Variants in ANGPT1 observed in about 807,000 individuals in gnomAD.
ANGPT1 encodes the protein angiopoietin-1.
A neutral mutation model predicts 62.2 loss-of-function variants in ANGPT1; 17 were observed. The ratio of observed to expected loss-of-function variants is 0.27; its 90% CI spans 0.19 to 0.41. The LOEUF (loss-of-function observed/expected upper bound fraction) is 0.41. ANGPT1 is among the 10% of genes least tolerant of loss of function. The probability of loss-of-function intolerance (pLI) is 1.00; values close to 1 mark genes in which losing one functional copy is unlikely to be tolerated. For missense variants in ANGPT1, 478 were observed against 594.9 expected, an observed-to-expected ratio of 0.80 and a Z score of 2.04; for synonymous variants, 199 against 198.9, an observed-to-expected ratio of 1.00 and a Z score of 0.00.
chr8:107,466,614 T>A (rs1812203866), intron 1 of ANGPT1, among the ~76,000 whole-genome samples: 1 of 152,082 alleles, frequency 6.6e-6, no homozygotes, highest in South Asian at 2.1e-4. Context: ...CATCGGTTGT[T>A]AAAAATTATA....
intron 1 of ANGPT1, among the ~76,000 whole-genome samples, chr8:107,450,756 T>C (rs1313540902): frequency 6.6e-6 from 1 of 150,628 alleles, no homozygotes; most frequent in Non-Finnish European, 1.5e-5. Flanking sequence ...ATATATATAA[T>C]ATATATTTTA....
At chr8:107,295,843 G>A (rs938679348) in intron 5 of ANGPT1, among the ~76,000 whole-genome samples, 1 of 152,100 alleles carries the variant, frequency 6.6e-6, no homozygotes, top group Non-Finnish European at 1.5e-5. Flanking sequence ...TATTAACAAT[G>A]ACATGCTTGT....
chr8:107,327,886 A>C (rs1203741293), intron 3 of ANGPT1, among the ~76,000 whole-genome samples: 1 of 152,128 alleles, frequency 6.6e-6, no homozygotes, highest in Non-Finnish European at 1.5e-5. Flanking sequence ...TCCTATTTGA[A>C]GTTTCTGGTA....
intron 1 of ANGPT1, among the ~76,000 whole-genome samples, chr8:107,493,693 T>A (rs916771494): frequency 2.0e-5 from 3 of 150,456 alleles, no homozygotes; most frequent in Non-Finnish European, 4.4e-5. Flanking sequence ...ATTTATTGCA[T>A]ATCTGTTATA....
chr8:107,346,381 A>T (rs1437611275), intron 2 of ANGPT1, among the ~76,000 whole-genome samples: 1 of 152,156 alleles, frequency 6.6e-6, no homozygotes, highest in African/African-American at 2.4e-5. Context: ...GTAAACTATG[A>T]TGGGGTGTTT....
At chr8:107,429,329 C>T (rs1811118313) in intron 1 of ANGPT1, among the ~76,000 whole-genome samples, 2 of 152,194 alleles carry the variant, frequency 1.3e-5, no homozygotes, top group South Asian at 2.1e-4. Context: ...CGGGGAGGCT[C>T]TCCAATCACC....
At chr8:107,365,851 A>T (rs1816260702) in intron 1 of ANGPT1, among the ~76,000 whole-genome samples, 1 of 104,644 alleles carries the variant, frequency 9.6e-6, no homozygotes, top group Admixed American at 1.2e-4. Flanking sequence ...ACAAGAAACA[A>T]ATACAACACA....
At chr8:107,284,251 G>C (rs1370306475) in intron 7 of ANGPT1, 1 of 151,900 alleles carries the variant, frequency 6.6e-6, no homozygotes. Context: ...TTTTACTTTT[G>C]TCATCTTCAA....
chr8:107,428,653 T>A (rs959115182), intron 1 of ANGPT1, among the ~76,000 whole-genome samples: 33 of 152,246 alleles, frequency 2.2e-4, no homozygotes, highest in African/African-American at 7.7e-4. Context: ...TGTGTGTGTG[T>A]GTGTGTTTTC....
chr8:107,481,770 G>A (rs373771334), intron 1 of ANGPT1, among the ~76,000 whole-genome samples: 29 of 152,154 alleles, frequency 1.9e-4, no homozygotes, highest in African/African-American at 6.7e-4. Context: ...CGAGCGAAGG[G>A]GGAAGCCCCT....
rs147908173 is a variant in ANGPT1, at chr8:107,438,905, C to T, written c.297+58357G>A. Among the ~76,000 whole-genome samples the T allele has an allele frequency of 2.9e-3, 445 of 152,010 alleles. 1 individual carries two copies. Among genetic ancestry groups the T allele is most frequent in the Middle Eastern group, 6.8e-3 (2 of 294 alleles). Reference sequence around the variant, plus strand: ...ATAAAACCATATGTTATTTGATTTACGAACAAAATGTATTTTTTAATGAAA... The same window carrying T: ...ATAAAACCATATGTTATTTGATTTATGAACAAAATGTATTTTTTAATGAAA... On this transcript the variant is annotated intron_variant, in intron 1 of 8. Transcript: ENST00000517746.
At chr8:107,388,801 A>T (rs1816781888) in intron 1 of ANGPT1, among the ~76,000 whole-genome samples, 1 of 152,168 alleles carries the variant, frequency 6.6e-6, no homozygotes, top group Non-Finnish European at 1.5e-5. Context: ...TCCTGCTGCT[A>T]AAAACTCTTT....
chr8:107,407,135 A>G (rs971290558), intron 1 of ANGPT1, among the ~76,000 whole-genome samples: 3 of 152,120 alleles, frequency 2.0e-5, no homozygotes, highest in Non-Finnish European at 4.4e-5. Context: ...TTTGACCCAA[A>G]CCATGCATAT....
chr8:107,391,427 G>C (rs888739959), intron 1 of ANGPT1, among the ~76,000 whole-genome samples: 2 of 152,142 alleles, frequency 1.3e-5, no homozygotes, highest in Non-Finnish European at 2.9e-5. Context: ...AGCACTTCTG[G>C]GGGCTGAAGG....
intron 1 of ANGPT1, among the ~76,000 whole-genome samples, chr8:107,488,732 G>T (rs1292730709): frequency 6.6e-6 from 1 of 152,080 alleles, no homozygotes; most frequent in Non-Finnish European, 1.5e-5. Flanking sequence ...TGGTAATAAG[G>T]TTACAATTCT....
At chr8:107,310,260 A>G (rs780051956) in intron 4 of ANGPT1, among the ~76,000 whole-genome samples, 1 of 152,138 alleles carries the variant, frequency 6.6e-6, no homozygotes, top group Non-Finnish European at 1.5e-5. Flanking sequence ...TAAATTTCTT[A>G]TGAGGAGTAT....
intron 1 of ANGPT1, among the ~76,000 whole-genome samples, chr8:107,463,654 A>C: frequency 6.6e-6 from 1 of 152,044 alleles, no homozygotes; most frequent in East Asian, 1.9e-4. Flanking sequence ...AAATTCCCTT[A>C]ATCTTTTTTG....
Position 107,464,823 on chromosome 8 carries a change from C to G in ANGPT1, c.297+32439G>C, listed in dbSNP as rs1012037959. On this transcript the variant is annotated intron_variant, in intron 1 of 8. Transcript: ENST00000517746. Reference sequence around the variant, plus strand: ...TACTATTGTCAGGAGAAGAGTCAGACAGGAAATCAAGCACAGTGTGGTAAG... The same window carrying G: ...TACTATTGTCAGGAGAAGAGTCAGAGAGGAAATCAAGCACAGTGTGGTAAG... Among the ~76,000 whole-genome samples the G allele has an allele frequency of 1.6e-4, 25 of 151,978 alleles. 1 individual carries two copies. The highest frequency in any genetic ancestry group is 5.1e-4 in the African/African-American group (21 of 41,404).
chr8:107,305,864 C>T (rs7842137), intron 4 of ANGPT1, among the ~76,000 whole-genome samples: 58,360 of 151,784 alleles, frequency 0.38, 11,799 homozygotes, highest in African/African-American at 0.5. Flanking sequence ...TTAGGCTACA[C>T]TTTAGAGTAG....
Sources: allele counts gnomAD v4.1 joint callset (sites outside exome capture counted in the v4.1 genomes callset), GRCh38; gene constraint gnomAD v4.1.1; transcripts MANE v1.5; gene names NCBI Gene and HGNC (gene_info 2026-07-23, HGNC 2026-07-21).